The following SETD2 variants were observed in gnomAD, a reference collection of about 807,000 sequenced individuals.
SETD2 encodes histone-lysine N-methyltransferase SETD2.
SETD2 carries 31 observed loss-of-function variants against 242.1 expected under a neutral mutation model. The observed-to-expected ratio is 0.13, with a 90% confidence interval of 0.10 to 0.17. The LOEUF (loss-of-function observed/expected upper bound fraction) is 0.17. Among genes scored for constraint, SETD2 ranks in the 10% least tolerant of loss-of-function variants. SETD2 has a pLI of 1.00. For missense variants in SETD2, 2,481 were observed against 3,046.3 expected (o/e 0.81, Z 4.37); for synonymous variants, 1,006 against 1,066.5 (o/e 0.94, Z 1.11).
chr3:47,054,873 G>A (rs914813116), intron 15 of SETD2, among the ~76,000 whole-genome samples: 2 of 152,076 alleles, frequency 1.3e-5, no homozygotes, highest in African/African-American at 2.4e-5. Flanking sequence ...GTATGTATAT[G>A]TATATGTACA....
At chr3:47,042,534 T>C (rs1344318751) in intron 17 of SETD2, 27 bp downstream of exon 17, 3 of 1,612,962 alleles carry the variant, frequency 1.9e-6, no homozygotes, top group East Asian at 4.5e-5. Flanking sequence ...AAAGCAGACA[T>C]GGGAACGCCC....
At chr3:47,022,262 T>C (rs542474136) in intron 18 of SETD2, among the ~76,000 whole-genome samples, 2 of 146,426 alleles carry the variant, frequency 1.4e-5, no homozygotes, top group East Asian at 2.1e-4. Flanking sequence ...CAGTGACTCA[T>C]GCCTGTAATC....
At chr3:47,117,263 AAAAAAAAAAAAAAAAAACAAAC>A (rs1052817144) in intron 3 of SETD2, among the ~76,000 whole-genome samples, 2 of 136,054 alleles carry the variant, frequency 1.5e-5, no homozygotes, top group African/African-American at 6.4e-5. Context: ...TGCATTACCA[AAAAAAAAAAAAAAAAAACAAAC>A]AAAAAAAAAA....
chr3:47,101,707 A>T (rs1299402896), intron 7 of SETD2, 152 bp from the exon 8 acceptor site: 1 of 487,820 alleles, frequency 2.0e-6, no homozygotes, highest in African/African-American at 2.0e-5. Context: ...GTTTTCCCAA[A>T]TAGCACATGG....
In SETD2 at chr3:47,141,716, T is replaced by C. The variant is rs533916281; in HGVS notation, c.72-15053A>G. The stretch of plus-strand genomic sequence containing the variant: ...CTTTCTATTTTAGAAACATACCAAG[T>C]ACAACAATTCAAAAAGTTTCTAGCA... On this transcript the variant is annotated intron_variant, in intron 1 of 20. Coordinates refer to ENST00000409792, the MANE Select transcript of SETD2 (RefSeq NM_014159.7). Among the ~76,000 whole-genome samples the C allele has an allele frequency of 5.9e-5, 9 of 152,304 alleles. No homozygotes were observed. In the South Asian group the frequency reaches 1.9e-3, roughly 32 times the overall value.
chr3:47,156,013 T>A (rs982409735), intron 1 of SETD2, among the ~76,000 whole-genome samples: 3 of 152,100 alleles, frequency 2.0e-5, no homozygotes, highest in Non-Finnish European at 2.9e-5. Flanking sequence ...ATGAAGCTAG[T>A]CAACTTTTTT....
chr3:47,038,827 G>C (rs1163077104), intron 17 of SETD2, among the ~76,000 whole-genome samples: 1 of 152,184 alleles, frequency 6.6e-6, no homozygotes, highest in Admixed American at 6.6e-5. Flanking sequence ...GAAGCCAGCT[G>C]TAACAGAGAA....
In SETD2 at chr3:47,120,426, G is replaced by T. The variant is rs765767219; in HGVS notation, c.4210C>A (p.Leu1404Ile). The change falls in exon 3 of 21, where the codon CTT becomes ATT. Residue 1404 changes from leucine (L) to isoleucine (I), a missense_variant. By Grantham distance (5) the Leu-to-Ile change is conservative (BLOSUM62 2). This residue lies in a region of SETD2 where 1,300 missense variants were observed against 1,259.2 expected (regional missense o/e 1.03). Transcript: ENST00000409792. Reference protein sequence around the residue: ...EKNDIKDRGPLKKRRQEIESD... With the variant: ...EKNDIKDRGPIKKRRQEIESD... The stretch of plus-strand genomic sequence containing the variant: ...TCTATTTCCTGCCTCCTTTTTTTAA[G>T]AGGCCCTCTATCTTTGATATCATTT... 1.2e-5 allele frequency: 20 copies of T among 1,611,080 alleles called. No individual in the cohort carries two copies. Among genetic ancestry groups the T allele is most frequent in the Non-Finnish European group, 1.7e-5 (20 of 1,179,348 alleles).
At chr3:47,119,777 C>T (rs1291507186) in intron 3 of SETD2, 1 of 470,770 alleles carries the variant, frequency 2.1e-6, no homozygotes, top group South Asian at 1.6e-5. Context: ...AAAGATACTT[C>T]ATTCTGCACA....
chr3:47,056,667 C>G (rs573251472), intron 15 of SETD2, among the ~76,000 whole-genome samples, 154 bp downstream of exon 15: 1 of 152,294 alleles, frequency 6.6e-6, no homozygotes, highest in South Asian at 2.1e-4. Flanking sequence ...CTGACAAGTT[C>G]TGGCAATATT....
At chr3:47,147,444 G>A (rs756982775) in intron 1 of SETD2, among the ~76,000 whole-genome samples, 1 of 149,644 alleles carries the variant, frequency 6.7e-6, no homozygotes, top group African/African-American at 2.5e-5. Flanking sequence ...TGCCTCAGCC[G>A]CCCGACTAGC....
Position 47,139,663 on chromosome 3 carries a change from A to G in SETD2, c.72-13000T>C, listed in dbSNP as rs2043680518. 2.6e-5 allele frequency among the ~76,000 whole-genome samples: 4 copies of G among 152,224 alleles called. No individual in the cohort carries two copies. The South Asian group carries it at 8.3e-4, about 31-fold the overall frequency. ...AACTGACATGTAGAAAAAGCAAGAT[A>G]TATAGGCCATAAAATTTATGAAATT... is the stretch of plus-strand genomic sequence containing the variant. On this transcript the variant is annotated intron_variant, in intron 1 of 20. Transcript: ENST00000409792.
chr3:47,045,792 T>C (rs2039497855), intron 16 of SETD2, among the ~76,000 whole-genome samples: 1 of 149,680 alleles, frequency 6.7e-6, no homozygotes, highest in South Asian at 2.1e-4. Flanking sequence ...TTTTTTTTTT[T>C]TGAGATGGAG....
intron 9 of SETD2, among the ~76,000 whole-genome samples, chr3:47,096,622 C>A (rs1478332019): frequency 6.7e-6 from 1 of 149,952 alleles, no homozygotes; most frequent in African/African-American, 2.5e-5. Flanking sequence ...GTGGCTCATG[C>A]CTGTAATCCC....
At position 47,124,257 on chromosome 3, in the gene SETD2, C is replaced by A. The variant is rs2106723929; in HGVS notation, c.379G>T (p.Ala127Ser). Reference protein sequence around the residue: ...KMEIGDTLSTAEESSPPKSRV... With the variant: ...KMEIGDTLSTSEESSPPKSRV... The stretch of plus-strand genomic sequence containing the variant: ...GACTTTGGTGGGGAAGATTCTTCTG[C>A]AGTAGATAAGGTATCACCAATTTCC... Residue 127 changes from alanine (A) to serine (S), a missense_variant, in exon 3 of 21, where the codon GCA (alanine) becomes TCA (serine). Physicochemically the swap from Ala to Ser is moderately conservative, Grantham distance 99 (BLOSUM62 1). Transcript: ENST00000409792. 6.4e-7 allele frequency: 1 copy of A among 1,551,710 alleles called. No homozygotes were observed. Among genetic ancestry groups the A allele is most frequent in the Non-Finnish European group, 8.7e-7 (1 of 1,146,984 alleles).
intron 18 of SETD2, among the ~76,000 whole-genome samples, chr3:47,025,006 A>T (rs1033858492): frequency 6.6e-6 from 1 of 152,228 alleles, no homozygotes. Context: ...ACTACCAGAC[A>T]GCACTCTTCA....
At chr3:47,055,597 G>A (rs1198679928) in intron 15 of SETD2, among the ~76,000 whole-genome samples, 2 of 152,034 alleles carry the variant, frequency 1.3e-5, no homozygotes, top group African/African-American at 4.8e-5. Context: ...TATTTGGGAG[G>A]TGGGAAGATC....
chr3:47,157,020 C>G (rs2044141258), intron 1 of SETD2, among the ~76,000 whole-genome samples: 1 of 152,070 alleles, frequency 6.6e-6, no homozygotes, highest in Non-Finnish European at 1.5e-5. Flanking sequence ...ATAATCCCAG[C>G]ACTTTTGGGA....
At chr3:47,030,080 C>G (rs1055789690) in intron 18 of SETD2, among the ~76,000 whole-genome samples, 4 of 151,310 alleles carry the variant, frequency 2.6e-5, no homozygotes, top group Non-Finnish European at 5.9e-5. Flanking sequence ...ACCTGGGAAG[C>G]GGAGGTTGCA....
Sources: allele counts gnomAD v4.1 joint callset (sites outside exome capture counted in the v4.1 genomes callset), GRCh38; gene constraint gnomAD v4.1.1; regional missense constraint gnomAD v4.1.1; transcripts MANE v1.5; gene names NCBI Gene and HGNC (gene_info 2026-07-23, HGNC 2026-07-21).